LEKR1: variants seen among roughly 807,000 people sequenced by gnomAD.
The protein encoded by LEKR1 is leucine, glutamate and lysine rich 1.
A neutral mutation model predicts 72.4 loss-of-function variants in LEKR1; 59 were observed. That is an observed-to-expected ratio of 0.82 (90% CI 0.66 to 1.01). The LOEUF is 1.01. Among genes scored for constraint, LEKR1 ranks in the 50% least tolerant of loss-of-function variants. LEKR1 has a pLI of 0.00. For missense variants in LEKR1, 728 were observed against 759.2 expected (o/e 0.96, Z 0.48); for synonymous variants, 257 against 263.2 (o/e 0.98, Z 0.23).
intron 6 of LEKR1, among the ~76,000 whole-genome samples, chr3:156,948,373 C>T (rs1373836657): frequency 1.3e-5 from 2 of 151,062 alleles, no homozygotes; most frequent in Non-Finnish European, 3.0e-5. Context: ...TCACAAAATT[C>T]TCATATTAAT....
chr3:156,920,039 C>G (rs1724046317), intron 3 of LEKR1, among the ~76,000 whole-genome samples: 1 of 152,078 alleles, frequency 6.6e-6, no homozygotes. Context: ...GCACATGCCC[C>G]TTTCCACTTT....
rs6799060 is a variant in LEKR1 at position 157,030,245 on chromosome 3, C to T, written c.1668+1843C>T. On this transcript the variant is annotated intron_variant, in intron 12 of 12. Coordinates refer to ENST00000356539, the MANE Select transcript of LEKR1 (RefSeq NM_001004316.3). Reference sequence around the variant, plus strand: ...ACCAAGGGGATGGTGCTAAGCAATTCATGAAGGATCTGCTGCCATGATTCA... The same window carrying T: ...ACCAAGGGGATGGTGCTAAGCAATTTATGAAGGATCTGCTGCCATGATTCA... 4.3e-3 allele frequency among the ~76,000 whole-genome samples: 660 copies of T among 152,258 alleles called. 2 individuals carry two copies. Among genetic ancestry groups the T allele is most frequent in the African/African-American group, 0.015 (636 of 41,552 alleles).
chr3:157,042,034 AT>A (rs531763145), intron 12 of LEKR1, among the ~76,000 whole-genome samples: 337 of 152,244 alleles, frequency 2.2e-3, no homozygotes, highest in African/African-American at 7.6e-3. Flanking sequence ...TTTTATTTTC[AT>A]TTTTTAATCC....
intron 2 of LEKR1, among the ~76,000 whole-genome samples, chr3:156,839,123 A>C (rs1186897966): frequency 3.9e-5 from 6 of 152,236 alleles, no homozygotes; most frequent in Admixed American, 3.9e-4. Context: ...GTGCAAATGT[A>C]GTCAGGTTTA....
At chr3:156,986,668 C>A (rs1270088566) in intron 7 of LEKR1, among the ~76,000 whole-genome samples, 2 of 152,218 alleles carry the variant, frequency 1.3e-5, no homozygotes, top group Non-Finnish European at 2.9e-5. Context: ...CCCAGCACTA[C>A]AACTTAGTAG....
At chr3:156,826,458 G>C (rs576532227) in intron 1 of LEKR1, 82 bp downstream of exon 1, 1 of 153,966 alleles carries the variant, frequency 6.5e-6, no homozygotes, top group South Asian at 2.1e-4. Flanking sequence ...CTCGCACCCG[G>C]GGAGAGAGCC....
chr3:156,941,450 C>G (rs1346059131), intron 5 of LEKR1, among the ~76,000 whole-genome samples: 1 of 152,106 alleles, frequency 6.6e-6, no homozygotes, highest in African/African-American at 2.4e-5. Context: ...TAACCATTTG[C>G]TGGCCAAATT....
intron 3 of LEKR1, among the ~76,000 whole-genome samples, chr3:156,892,411 A>T (rs779016213): frequency 6.6e-6 from 1 of 152,194 alleles, no homozygotes; most frequent in Non-Finnish European, 1.5e-5. Context: ...ATTCTGGTAG[A>T]TTGAGTTTCT....
chr3:157,046,020 A>G lies in LEKR1; in HGVS notation c.*270A>G. ...TTATGTTGGAATGTGCTCTATGAAT[A>G]TAGCCTTTTAGAGATCACAGGTAAA... On this transcript the variant is annotated 3_prime_UTR_variant, in exon 13 of 13. Transcript: ENST00000356539. 2.8e-6 allele frequency: 1 copy of G among 361,204 alleles called. No individual in the cohort carries two copies. The allele number at this position is 361,204 out of a possible 1,614,324, so 22.4% of individuals were successfully genotyped here.
chr3:156,942,654 T>A lies in LEKR1; in HGVS notation c.685T>A (p.Ser229Thr), dbSNP rs913112573. The change falls in exon 6 of 13, where the codon TCT (serine) becomes ACT (threonine). Residue 229 changes from serine to threonine, a missense_variant. Ser to Thr is a moderately conservative substitution (Grantham distance 58). Coordinates refer to ENST00000356539, the MANE Select transcript of LEKR1 (RefSeq NM_001004316.3). ...AILRSQQIRT[S>T]RQQEVNLQTR... ...ATTGAGATCTCAGCAGATTCGGACA[T>A]CTAGACAACAGGAAGTAAACTTGCA... 18 of 1,270,820 alleles carry A rather than the reference T, an allele frequency of 1.4e-5. No homozygotes were observed. Among genetic ancestry groups the A allele is most frequent in the Non-Finnish European group, 1.8e-5 (18 of 982,676 alleles). 78.7% of individuals were successfully genotyped at this position (1,270,820 alleles called of 1,614,324 possible).
chr3:157,043,358 T>G (rs1735506256), intron 12 of LEKR1, among the ~76,000 whole-genome samples: 1 of 152,034 alleles, frequency 6.6e-6, no homozygotes, highest in Non-Finnish European at 1.5e-5. Flanking sequence ...AGGCAAAAAA[T>G]ATAATGGATT....
intron 6 of LEKR1, among the ~76,000 whole-genome samples, chr3:156,971,991 G>C (rs140800364): frequency 1.3e-5 from 2 of 152,216 alleles, no homozygotes; most frequent in African/African-American, 4.8e-5. Context: ...CCATTACTGG[G>C]TACATACTGA....
At chr3:157,035,295 A>G (rs374372254) in intron 12 of LEKR1, among the ~76,000 whole-genome samples, 3 of 152,154 alleles carry the variant, frequency 2.0e-5, no homozygotes, top group Non-Finnish European at 2.9e-5. Context: ...GTAAGGGTGG[A>G]ATTGAAAACA....
In LEKR1 at chr3:157,027,674, G is replaced by C. The variant is rs116137774; in HGVS notation, c.1369-429G>C. ...CTACAAAAAATAAAAAATTAGCCAGGGGTGGTGGCATGAGTCTGTGATCCA... is the reference window on the plus strand; with the variant it reads ...CTACAAAAAATAAAAAATTAGCCAGCGGTGGTGGCATGAGTCTGTGATCCA... On this transcript the variant is annotated intron_variant, in intron 11 of 12. Coordinates refer to ENST00000356539, the MANE Select transcript of LEKR1 (RefSeq NM_001004316.3). 4.9e-3 allele frequency among the ~76,000 whole-genome samples: 744 copies of C among 152,168 alleles called. 5 individuals are homozygous for C. Among genetic ancestry groups the C allele is most frequent in the African/African-American group, 0.016 (680 of 41,520 alleles).
intron 7 of LEKR1, among the ~76,000 whole-genome samples, chr3:156,980,399 TA>T (rs2107999768): frequency 6.6e-6 from 1 of 152,366 alleles, no homozygotes; most frequent in East Asian, 1.9e-4. Flanking sequence ...TCATACTTTA[TA>T]ACACTGTGGT....
chr3:156,856,628 A>G (rs1289574661), intron 3 of LEKR1, among the ~76,000 whole-genome samples: 1 of 152,118 alleles, frequency 6.6e-6, no homozygotes, highest in Non-Finnish European at 1.5e-5. Flanking sequence ...CCTTCAATAC[A>G]ATTTTATAAT....
chr3:157,027,724 G>A (rs1734303070), intron 11 of LEKR1, among the ~76,000 whole-genome samples: 1 of 152,132 alleles, frequency 6.6e-6, no homozygotes, highest in South Asian at 2.1e-4. Context: ...TGAATTGGTA[G>A]GATCGTTTGA....
intron 6 of LEKR1, among the ~76,000 whole-genome samples, chr3:156,960,539 G>A (rs753283393): frequency 5.3e-5 from 8 of 152,104 alleles, no homozygotes; most frequent in Non-Finnish European, 1.0e-4. Flanking sequence ...GCCCTCCTAG[G>A]CCTCTCAAAG....
intron 12 of LEKR1, among the ~76,000 whole-genome samples, chr3:157,036,304 T>A (rs1192439826): frequency 1.3e-5 from 2 of 151,942 alleles, no homozygotes; most frequent in South Asian, 2.1e-4. Flanking sequence ...ACTGAAATTT[T>A]AAAAAAATCA....
Sources: allele counts gnomAD v4.1 joint callset (sites outside exome capture counted in the v4.1 genomes callset), GRCh38; gene constraint gnomAD v4.1.1; transcripts MANE v1.5; gene names NCBI Gene and HGNC (gene_info 2026-07-23, HGNC 2026-07-21).